The following AKNA variants were observed in gnomAD, a reference collection of about 807,000 sequenced individuals.
AKNA encodes the protein microtubule organization protein AKNA.
A neutral mutation model predicts 138.8 loss-of-function variants in AKNA; 67 were observed. The ratio of observed to expected loss-of-function variants is 0.48; its 90% CI spans 0.40 to 0.59. The LOEUF is 0.59. Ranked by LOEUF, AKNA falls within the 20% of genes least tolerant of loss-of-function variation. AKNA has a pLI of 0.00. For missense variants in AKNA, 1,813 were observed against 1,880.4 expected (o/e 0.96, Z 0.66); for synonymous variants, 737 against 754.4 (o/e 0.98, Z 0.38).
chr9:114,332,528 G>A (rs942262525), downstream of AKNA, among the ~76,000 whole-genome samples: 1 of 152,062 alleles, frequency 6.6e-6, no homozygotes, highest in African/African-American at 2.4e-5. Flanking sequence ...TATACATGCA[G>A]TACTTCCATG....
chr9:114,341,837 CTG>C (rs1233536795), intron 20 of AKNA, 112 bp from the exon 21 acceptor site: 32 of 1,349,926 alleles, frequency 2.4e-5, no homozygotes, highest in Non-Finnish European at 3.3e-5. Context: ...AGGCCCTACC[CTG>C]TGAGACTCCA....
At chr9:114,390,823 T>C (rs1374190791), upstream of AKNA, among the ~76,000 whole-genome samples, 1 of 152,230 alleles carries the variant, frequency 6.6e-6, no homozygotes, top group African/African-American at 2.4e-5. Flanking sequence ...GTCCCACTTC[T>C]TTTCCCTGTT....
rs1831473673 is a variant in AKNA, at chr9:114,355,988, T to C, written c.2995A>G (p.Ser999Gly). 2.5e-6 allele frequency: 4 copies of C among 1,614,078 alleles called. No homozygotes were observed. In the African/African-American group the frequency reaches 4.0e-5, roughly 16 times the overall value. The change falls in exon 14 of 22, where the codon AGT becomes GGT. Residue 999 changes from serine to glycine, a missense_variant. Coordinates refer to ENST00000374088, the MANE Select transcript of AKNA (RefSeq NM_001317950.2). ...GGTGCCCTCTGCCGGAGAGGCCCACTTGGGCTGGAGAGGTACCTCTGTGCT... is the reference window on the plus strand; with the variant it reads ...GGTGCCCTCTGCCGGAGAGGCCCACCTGGGCTGGAGAGGTACCTCTGTGCT... ...SQAQRYLSSPSGPLRQRAPNF... is the reference protein window; with the variant it reads ...SQAQRYLSSPGGPLRQRAPNF...
chr9:114,385,774 A>G (rs1833987608), intron 1 of AKNA, among the ~76,000 whole-genome samples: 2 of 152,310 alleles, frequency 1.3e-5, no homozygotes, highest in Non-Finnish European at 2.9e-5. Context: ...CCTCACCACA[A>G]AGCCCCAGAA....
rs1830651979 is a variant in AKNA at position 114,345,952 on chromosome 9, T to G, written c.3572A>C (p.Lys1191Thr). Residue 1191 changes from lysine (K) to threonine (T), a missense_variant, in exon 18 of 22, where the codon AAG (lysine) becomes ACG (threonine). Transcript: ENST00000374088. ...PLFSEKSKTT[K>T]DSPQAARDGK... is the part of the protein sequence containing the mutation. ...ATCCCGAGCTGCCTGTGGACTGTCCTTGGTGGTCTTGCTCTTCTCAGAGAA... is the reference window on the plus strand; with the variant it reads ...ATCCCGAGCTGCCTGTGGACTGTCCGTGGTGGTCTTGCTCTTCTCAGAGAA... 8 of 1,614,020 alleles carry G rather than the reference T, an allele frequency of 5.0e-6. No individual in the cohort carries two copies. The highest frequency in any genetic ancestry group is 6.8e-6 in the Non-Finnish European group (8 of 1,179,986).
chr9:114,331,408 G>A (rs1829849005), downstream of AKNA, among the ~76,000 whole-genome samples: 1 of 152,072 alleles, frequency 6.6e-6, no homozygotes, highest in Non-Finnish European at 1.5e-5. Flanking sequence ...GCGTGGAGCT[G>A]GGCACGCAGC....
At chr9:114,370,531 G>A (rs1325346749) in intron 4 of AKNA, among the ~76,000 whole-genome samples, 12 of 152,212 alleles carry the variant, frequency 7.9e-5, no homozygotes, top group Non-Finnish European at 1.3e-4. Flanking sequence ...GGTGGGGAGT[G>A]GCGGTGGGGG....
At chr9:114,394,422 G>A (rs903716213), upstream of AKNA, 2 of 152,168 alleles carry the variant, frequency 1.3e-5, no homozygotes, top group Non-Finnish European at 2.9e-5. Flanking sequence ...TGTGAAAGGC[G>A]AAATGTATCG....
chr9:114,337,176 T>C lies in AKNA; in HGVS notation c.4198A>G (p.Lys1400Glu). Residue 1400 changes from lysine to glutamate, a missense_variant, in exon 22 of 22, where the codon AAG becomes GAG. By Grantham distance (56) the Lys-to-Glu change is moderately conservative. Coordinates refer to ENST00000374088, the MANE Select transcript of AKNA (RefSeq NM_001317950.2). ...GCCTGCACGGCCCGGCTCAGGGCCT[T>C]GTTGAGCTCCTCTAGGTCGCCCAGG... is the stretch of plus-strand genomic sequence containing the variant. ...LDLGDLEELN[K>E]ALSRAVQAAE... 1 of 1,610,326 alleles carries C rather than the reference T, an allele frequency of 6.2e-7. No homozygotes were observed. Among genetic ancestry groups the C allele is most frequent in the Non-Finnish European group, 8.5e-7 (1 of 1,177,432 alleles).
In AKNA at chr9:114,349,098, G is replaced by A. The variant is rs1830917601; in HGVS notation, c.3222-1198C>T. The A allele has an allele frequency of 7.5e-6, 3 of 399,246 alleles. No individual in the cohort carries two copies. In the East Asian group the frequency reaches 2.2e-4, roughly 29 times the overall value. 24.7% of individuals were successfully genotyped at this position (399,246 alleles called of 1,614,324 possible). ...GGCAAAGCCACGAGGGCAAGTGTGG[G>A]CGGTGGCTACTGGAGAGTGACATCT... On this transcript the variant is annotated intron_variant, in intron 15 of 21. Transcript: ENST00000374088.
chr9:114,374,137 C>A lies in AKNA; in HGVS notation c.1372G>T (p.Ala458Ser). The A allele has an allele frequency of 6.4e-7, 1 of 1,559,468 alleles. No individual in the cohort carries two copies. The highest frequency in any genetic ancestry group is 8.7e-7 in the Non-Finnish European group (1 of 1,151,104). The change falls in exon 4 of 22, where the codon GCT becomes TCT. Residue 458 changes from alanine to serine, a missense_variant. Transcript: ENST00000374088. ...EDYHRLLTKY[A>S]EAENTIDQLR... ...TGGTCAATGGTGTTCTCGGCCTCAG[C>A]GTACTTGGTGAGGAGCCTGTGGTAG... is the stretch of plus-strand genomic sequence containing the variant.
chr9:114,374,546 T>G (rs1442053914), intron 3 of AKNA, among the ~76,000 whole-genome samples: 2 of 152,246 alleles, frequency 1.3e-5, no homozygotes, highest in African/African-American at 4.8e-5. Flanking sequence ...TTCCCCCTGC[T>G]GCACTGTCGG....
intron 1 of AKNA, among the ~76,000 whole-genome samples, chr9:114,386,336 G>C (rs535753854): frequency 5.3e-5 from 8 of 152,150 alleles, no homozygotes; most frequent in Admixed American, 4.6e-4. Context: ...GAGAAACAAT[G>C]AGGATTTGGG....
At chr9:114,341,076 T>C (rs1438795330) in intron 21 of AKNA, among the ~76,000 whole-genome samples, 1 of 151,980 alleles carries the variant, frequency 6.6e-6, no homozygotes, top group Non-Finnish European at 1.5e-5. Context: ...AAACTGTTTG[T>C]GCAGGAGTGA....
In AKNA at chr9:114,356,848, G is replaced by A. The variant is rs772343775; in HGVS notation, c.2846+15C>T. 26 of 1,530,674 alleles carry A rather than the reference G, an allele frequency of 1.7e-5. No individual in the cohort carries two copies. Among genetic ancestry groups the A allele is most frequent in the Middle Eastern group, 1.8e-4 (1 of 5,564 alleles). The allele number at this position is 1,530,674 out of a possible 1,614,324, so 94.8% of individuals were successfully genotyped here. On this transcript the variant is annotated intron_variant, in intron 13 of 21. Coordinates refer to ENST00000374088, the MANE Select transcript of AKNA (RefSeq NM_001317950.2). ...AATGTGGCACTGACGGGACAATGGC[G>A]GGATCCCGGGATACCTGATGTGGGA...
At chr9:114,353,451 A>G (rs545496576) in intron 14 of AKNA, among the ~76,000 whole-genome samples, 60 of 152,012 alleles carry the variant, frequency 3.9e-4, no homozygotes, top group African/African-American at 1.4e-3. Flanking sequence ...TTTAGTGGAG[A>G]TGGGGTTTTG....
At chr9:114,379,116 AG>A (rs1489024942) in intron 2 of AKNA, among the ~76,000 whole-genome samples, 1 of 152,238 alleles carries the variant, frequency 6.6e-6, no homozygotes, top group African/African-American at 2.4e-5. Context: ...CCAGCCATGC[AG>A]GTGAGTTTGC....
chr9:114,388,125 G>C (rs1021922631), upstream of AKNA: 2 of 263,626 alleles, frequency 7.6e-6, no homozygotes, highest in South Asian at 3.1e-5. Context: ...GTTTGTCTGC[G>C]TGCAGAGCAA....
Position 114,359,411 on chromosome 9 carries a change from C to CAT in AKNA, c.2492+181_2492+182dup, listed in dbSNP as rs796534217. On this transcript the variant is annotated intron_variant, in intron 11 of 21. Coordinates refer to ENST00000374088, the MANE Select transcript of AKNA (RefSeq NM_001317950.2). ...ATACTGCATGTGTCCTACTGAAAAT[C>CAT]ATGTCCCACACTACCCAAAATCATT... The CAT allele has an allele frequency of 2.5e-6, 3 of 1,197,586 alleles. No individual in the cohort carries two copies. In the African/African-American group the frequency reaches 4.7e-5, roughly 19 times the overall value. 74.2% of individuals were successfully genotyped at this position (1,197,586 alleles called of 1,614,324 possible). A position where few individuals can be genotyped will look rare whatever the true frequency, so the allele number is the denominator to read the frequency against.
Sources: gnomAD v4.1 joint callset for allele counts (sites outside exome capture counted in the v4.1 genomes callset) on GRCh38, gnomAD v4.1.1 for gene constraint, MANE v1.5 for transcripts, NCBI Gene and HGNC (gene_info 2026-07-23, HGNC 2026-07-21) for gene names.